DMXL2: variants seen among roughly 807,000 people sequenced by gnomAD.
The protein encoded by DMXL2 is dmX-like protein 2.
In DMXL2, 103 loss-of-function variants were observed where a neutral mutation model predicts 331.1. The observed-to-expected ratio is 0.31, with a 90% CI of 0.27 to 0.37. The LOEUF (loss-of-function observed/expected upper bound fraction) is 0.37. Ranked by LOEUF, DMXL2 falls within the 10% of genes least tolerant of loss-of-function variation. The pLI, the probability that DMXL2 is intolerant of heterozygous loss-of-function variation, is 1.00. For missense variants in DMXL2, 3,171 were observed against 3,642.9 expected, an observed-to-expected ratio of 0.87 and a Z score of 3.33; for synonymous variants, 1,281 against 1,252.1, an observed-to-expected ratio of 1.02 and a Z score of -0.49.
chr15:51,506,547 G>A (rs926990277), intron 16 of DMXL2, among the ~76,000 whole-genome samples: 2 of 147,296 alleles, frequency 1.4e-5, no homozygotes, highest in South Asian at 2.2e-4. Context: ...TCTGCCTCCC[G>A]GGTTCACGCC....
chr15:51,616,934 C>G (rs1458493650), intron 1 of DMXL2, among the ~76,000 whole-genome samples: 1 of 52,484 alleles, frequency 1.9e-5, no homozygotes, highest in African/African-American at 7.1e-5. Flanking sequence ...GAGACTCCAT[C>G]TAAAAAAAAA....
At chr15:51,506,884 T>C (rs2140548867) in intron 16 of DMXL2, among the ~76,000 whole-genome samples, 1 of 152,322 alleles carries the variant, frequency 6.6e-6, no homozygotes, top group East Asian at 1.9e-4. Flanking sequence ...CAATAAATAT[T>C]CACTGAAAAA....
At chr15:51,591,558 G>T (rs915901163) in intron 1 of DMXL2, among the ~76,000 whole-genome samples, 1 of 152,176 alleles carries the variant, frequency 6.6e-6, no homozygotes, top group Non-Finnish European at 1.5e-5. Context: ...TTAAATGTCC[G>T]TCTGACAGCC....
chr15:51,555,156 T>A (rs1416181206), intron 6 of DMXL2, among the ~76,000 whole-genome samples: 1 of 152,158 alleles, frequency 6.6e-6, no homozygotes, highest in Non-Finnish European at 1.5e-5. Flanking sequence ...AGACTCTGTC[T>A]CAAAAAAACA....
intron 13 of DMXL2, 68 bp from the exon 14 acceptor site, chr15:51,517,235 T>C (rs1784771452): frequency 7.5e-6 from 9 of 1,197,528 alleles, no homozygotes; most frequent in Non-Finnish European, 1.1e-5. Flanking sequence ...TGATACAGCA[T>C]CTTGGACATT....
chr15:51,589,339 A>G (rs553762727), intron 1 of DMXL2, among the ~76,000 whole-genome samples: 13 of 152,314 alleles, frequency 8.5e-5, no homozygotes, highest in African/African-American at 3.1e-4. Context: ...AATCCCTAAA[A>G]CAAAGCAGTT....
chr15:51,478,674 T>C (rs1008477798), intron 25 of DMXL2, among the ~76,000 whole-genome samples: 3 of 152,088 alleles, frequency 2.0e-5, no homozygotes, highest in Middle Eastern at 3.2e-3. Flanking sequence ...ATAGTAATAT[T>C]TAAAAAAAAG....
intron 2 of DMXL2, among the ~76,000 whole-genome samples, chr15:51,569,135 G>A (rs2050486164): frequency 1.3e-5 from 2 of 152,180 alleles, no homozygotes; most frequent in Admixed American, 1.3e-4. Flanking sequence ...ATTTTCTCCA[G>A]TGTCTGGTTC....
At chr15:51,493,145 T>C (rs1245284859) in intron 19 of DMXL2, among the ~76,000 whole-genome samples, 1 of 152,164 alleles carries the variant, frequency 6.6e-6, no homozygotes. Flanking sequence ...TAGTTTTTTA[T>C]AACCTGAAAG....
intron 1 of DMXL2, among the ~76,000 whole-genome samples, chr15:51,590,261 G>C (rs1326394082): frequency 6.6e-6 from 1 of 152,206 alleles, no homozygotes; most frequent in Admixed American, 6.5e-5. Flanking sequence ...AAATGTAGCA[G>C]GTATTAACAG....
intron 33 of DMXL2, chr15:51,463,153 A>C (rs2040273323): frequency 5.8e-6 from 2 of 344,772 alleles, no homozygotes; most frequent in East Asian, 1.4e-4. Context: ...TAAAGTACCA[A>C]CTTTCACTTG....
chr15:51,479,976 G>A lies in DMXL2; in HGVS notation c.6728C>T (p.Pro2243Leu), dbSNP rs554113769. 6.6e-7 allele frequency: 1 copy of A among 1,519,962 alleles called. No individual in the cohort carries two copies. Among genetic ancestry groups the A allele is most frequent in the Admixed American group, 1.8e-5 (1 of 55,346 alleles). The allele number at this position is 1,519,962 out of a possible 1,614,324, so 94.2% of individuals were successfully genotyped here. The change falls in exon 25 of 44, where the codon CCA (proline) becomes CTA (leucine). Residue 2243 changes from proline (P) to leucine (L), a missense_variant. Physicochemically the swap from Pro to Leu is moderately conservative, Grantham distance 98. This residue lies in a region of DMXL2 where 197 missense variants were observed against 196.2 expected (regional missense o/e 1.00). Transcript: ENST00000560891. ...ILYTIVQMKT[P>L]PHPSIEDVKV... ...CACATCTTCAATACTGGGATGAGGT[G>A]GTGTTTTCATCTGAACAATAGTATA...
intron 9 of DMXL2, among the ~76,000 whole-genome samples, chr15:51,542,087 A>G (rs2032362151): frequency 6.6e-6 from 1 of 152,170 alleles, no homozygotes; most frequent in South Asian, 2.1e-4. Context: ...ATTTACTAGG[A>G]ATGCTTGTTA....
At chr15:51,554,451 GA>G in intron 6 of DMXL2, among the ~76,000 whole-genome samples, 2 of 152,084 alleles carry the variant, frequency 1.3e-5, no homozygotes, top group Middle Eastern at 3.4e-3. Context: ...AATTAAAAAG[GA>G]AAAAAAGACA....
intron 6 of DMXL2, among the ~76,000 whole-genome samples, chr15:51,559,552 CA>C (rs1039773200): frequency 2.0e-5 from 3 of 149,856 alleles, no homozygotes; most frequent in Admixed American, 1.3e-4. Context: ...ACAACTCTAC[CA>C]AAAAAAAATA....
chr15:51,488,674 C>T (rs2042575254), intron 20 of DMXL2, 29 bp from the exon 21 acceptor site: 1 of 1,534,254 alleles, frequency 6.5e-7, no homozygotes, highest in African/African-American at 1.4e-5. Context: ...ATTAAATTCA[C>T]AATTTGACAT....
At chr15:51,527,708 C>A (rs754897520) in intron 13 of DMXL2, among the ~76,000 whole-genome samples, 6 of 145,722 alleles carry the variant, frequency 4.1e-5, no homozygotes, top group Non-Finnish European at 6.0e-5. Flanking sequence ...GGTGAAAGAG[C>A]GAGATTCTGC....
intron 27 of DMXL2, 53 bp from the exon 28 acceptor site, chr15:51,474,645 G>A (rs2041414230): frequency 1.3e-6 from 2 of 1,502,258 alleles, no homozygotes; most frequent in Admixed American, 2.3e-5. Context: ...GCACCAGAAG[G>A]AAAAAACATC....
At chr15:51,613,465 T>C (rs1410627362) in intron 1 of DMXL2, among the ~76,000 whole-genome samples, 2 of 152,222 alleles carry the variant, frequency 1.3e-5, no homozygotes, top group African/African-American at 4.8e-5. Context: ...CAAGTCCTCT[T>C]ATACAACAGT....
Sources: allele counts gnomAD v4.1 joint callset (sites outside exome capture counted in the v4.1 genomes callset), GRCh38; gene constraint gnomAD v4.1.1; regional missense constraint gnomAD v4.1.1; transcripts MANE v1.5; gene names NCBI Gene and HGNC (gene_info 2026-07-23, HGNC 2026-07-21).